ACYP2: variants seen among roughly 807,000 people sequenced by gnomAD.
ACYP2 encodes acylphosphatase 2.
A neutral mutation model predicts 11.2 loss-of-function variants in ACYP2; 12 were observed. The ratio of observed to expected loss-of-function variants is 1.08; its 90% CI spans 0.69 to 1.74. The LOEUF is 1.74. Ranked by LOEUF, ACYP2 falls within the 40% of genes most tolerant of loss-of-function variation. ACYP2 has a pLI of 0.00. For synonymous variants in ACYP2, 43 were observed against 32.2 expected (o/e 1.33, Z -1.13); for missense variants, 134 against 101.9 (o/e 1.31, Z -1.35).
At chr2:53,995,861 G>A (rs527782229) in intron 2 of ACYP2, among the ~76,000 whole-genome samples, 3 of 152,232 alleles carry the variant, frequency 2.0e-5, no homozygotes, top group South Asian at 4.1e-4. Context: ...GGCTGGGCAC[G>A]GTCGTTCACG....
At chr2:54,204,861 G>A (rs1260567069) in intron 6 of ACYP2, among the ~76,000 whole-genome samples, 1 of 152,064 alleles carries the variant, frequency 6.6e-6, no homozygotes, top group Non-Finnish European at 1.5e-5. Flanking sequence ...CATTATTTCT[G>A]CTTTGTGATG....
chr2:54,070,929 T>TG (rs200276443), intron 4 of ACYP2, among the ~76,000 whole-genome samples: 222 of 151,324 alleles, frequency 1.5e-3, no homozygotes, highest in African/African-American at 3.6e-3. Context: ...TTTGTTTGTT[T>TG]TTTTCAGAGA....
At chr2:54,186,096 CA>C in intron 6 of ACYP2, among the ~76,000 whole-genome samples, 1 of 152,076 alleles carries the variant, frequency 6.6e-6, no homozygotes, top group South Asian at 2.1e-4. Context: ...TAGTAGTTAA[CA>C]AAATTGAATA....
chr2:54,159,759 G>A (rs1248261599), intron 6 of ACYP2, among the ~76,000 whole-genome samples: 1 of 151,984 alleles, frequency 6.6e-6, no homozygotes, highest in African/African-American at 2.4e-5. Context: ...CTCCTGCCTT[G>A]GGGAACAGGA....
At chr2:54,019,042 G>C (rs1413797487) in intron 2 of ACYP2, among the ~76,000 whole-genome samples, 2 of 151,298 alleles carry the variant, frequency 1.3e-5, no homozygotes, top group Non-Finnish European at 2.9e-5. Flanking sequence ...ACCATGCTTG[G>C]CCTATTTTTT....
At chr2:54,041,070 T>C (rs1389699175) in intron 2 of ACYP2, among the ~76,000 whole-genome samples, 2 of 151,564 alleles carry the variant, frequency 1.3e-5, no homozygotes, top group African/African-American at 4.9e-5. Flanking sequence ...TTTTCTTTTT[T>C]TCTTTTCTTT....
intron 6 of ACYP2, among the ~76,000 whole-genome samples, chr2:54,175,269 G>A (rs548402003): frequency 1.3e-5 from 2 of 152,152 alleles, no homozygotes; most frequent in Admixed American, 6.5e-5. Flanking sequence ...GAGGGTGTAT[G>A]TGTCGAGGAA....
rs374932319 is a variant in ACYP2, at chr2:54,177,876, G to A, written c.404+39128G>A. 8.7e-4 allele frequency among the ~76,000 whole-genome samples: 130 copies of A among 148,906 alleles called. 1 individual carries two copies. The highest frequency in any genetic ancestry group is 6.2e-3 in the South Asian group (29 of 4,684). ...ATTACAGGTGTGAGCCACCGTGTCC[G>A]GCCTCCTGTTTCTTTTCTTTCTTTC... On this transcript the variant is annotated intron_variant, in intron 6 of 6. Transcript: ENST00000607452.
chr2:54,278,973 T>C (rs1408603569), intron 6 of ACYP2, among the ~76,000 whole-genome samples: 3 of 152,198 alleles, frequency 2.0e-5, no homozygotes, highest in African/African-American at 4.8e-5. Flanking sequence ...AATTTGTTGA[T>C]GTCTGTGATG....
At chr2:54,284,657 T>G (rs907776791) in intron 6 of ACYP2, among the ~76,000 whole-genome samples, 2 of 152,210 alleles carry the variant, frequency 1.3e-5, no homozygotes, top group Non-Finnish European at 2.9e-5. Context: ...TTTTAAAAGA[T>G]GTCCTCTAGA....
chr2:54,219,642 G>A (rs1685698094), intron 6 of ACYP2, among the ~76,000 whole-genome samples: 1 of 151,520 alleles, frequency 6.6e-6, no homozygotes, highest in Non-Finnish European at 1.5e-5. Context: ...TTTTTGAGAC[G>A]GAGTCTCGCT....
At chr2:53,975,347 A>G (rs1431686449) in intron 2 of ACYP2, 1 of 398,406 alleles carries the variant, frequency 2.5e-6, no homozygotes, top group Non-Finnish European at 4.4e-6. Context: ...TCTTCCTCTT[A>G]TTCTAAATAA....
intron 6 of ACYP2, chr2:54,255,179 A>G (rs1351808823): frequency 6.2e-7 from 1 of 1,614,028 alleles, no homozygotes; most frequent in Admixed American, 1.7e-5. Flanking sequence ...ATTAGAGTGG[A>G]AAAAGACACC....
At chr2:54,003,148 C>T (rs781069178) in intron 2 of ACYP2, among the ~76,000 whole-genome samples, 3 of 151,920 alleles carry the variant, frequency 2.0e-5, no homozygotes, top group Non-Finnish European at 2.9e-5. Context: ...AGGCTCTCAC[C>T]ATGTTGGCAG....
intron 6 of ACYP2, among the ~76,000 whole-genome samples, chr2:54,244,588 CCTGTT>C (rs1558638748): frequency 6.6e-6 from 1 of 152,124 alleles, no homozygotes; most frequent in African/African-American, 2.4e-5. Flanking sequence ...TTCTGAATTT[CCTGTT>C]CTGTTTTCTT....
chr2:54,138,831 T>G, intron 6 of ACYP2, 83 bp downstream of exon 3: 1 of 1,158,246 alleles, frequency 8.6e-7, no homozygotes, highest in Admixed American at 2.2e-5. Context: ...CTTGCTCTGT[T>G]GCCCAGGTTG....
chr2:54,113,092 T>C (rs1383177927), intron 4 of ACYP2, among the ~76,000 whole-genome samples: 3 of 152,226 alleles, frequency 2.0e-5, no homozygotes, highest in African/African-American at 7.2e-5. Flanking sequence ...AAGTTCCTAA[T>C]AGAAACATAC....
At chr2:54,199,558 G>C (rs115830347) in intron 6 of ACYP2, among the ~76,000 whole-genome samples, 1 of 152,194 alleles carries the variant, frequency 6.6e-6, no homozygotes, top group African/African-American at 2.4e-5. Flanking sequence ...ACAAAGTGTT[G>C]AGTAAGTTTT....
intron 2 of ACYP2, among the ~76,000 whole-genome samples, chr2:53,992,830 CAAA>C (rs535748279): frequency 2.0e-5 from 2 of 100,690 alleles, no homozygotes; most frequent in African/African-American, 4.0e-5. Flanking sequence ...AACTCCATCT[CAAA>C]AAAAAAAAAA....
Sources: allele counts gnomAD v4.1 joint callset (sites outside exome capture counted in the v4.1 genomes callset), GRCh38; gene constraint gnomAD v4.1.1; transcripts MANE v1.5; gene names NCBI Gene and HGNC (gene_info 2026-07-23, HGNC 2026-07-21).